FAM83B: variants seen among roughly 807,000 people sequenced by gnomAD.
The protein encoded by FAM83B is protein FAM83B.
A neutral mutation model predicts 38.8 loss-of-function variants in FAM83B; 26 were observed. That is an observed-to-expected ratio of 0.67 (90% CI 0.49 to 0.93). The LOEUF (loss-of-function observed/expected upper bound fraction) is 0.93, where lower values mean the gene tolerates loss of function less well. FAM83B is among the 40% of genes least tolerant of loss of function. The probability of loss-of-function intolerance (pLI) is 0.00; values close to 1 mark genes in which losing one functional copy is unlikely to be tolerated. For missense variants in FAM83B, 1,237 were observed against 1,197.3 expected, an observed-to-expected ratio of 1.03 and a Z score of -0.49; for synonymous variants, 419 against 423.1, an observed-to-expected ratio of 0.99 and a Z score of 0.12.
At chr6:54,854,115 T>A (rs1191144046) in intron 1 of FAM83B, among the ~76,000 whole-genome samples, 5 of 152,206 alleles carry the variant, frequency 3.3e-5, no homozygotes, top group Non-Finnish European at 7.3e-5. Flanking sequence ...TTTTTCAGTG[T>A]CATGATAACA....
chr6:54,940,228 A>G lies in FAM83B; in HGVS notation c.1257A>G (p.Pro419=), dbSNP rs754623876. The change falls in exon 5 of 5, where the codon CCA becomes CCG. Residue 419 remains proline (P), a synonymous_variant. Coordinates refer to ENST00000306858, the MANE Select transcript of FAM83B (RefSeq NM_001010872.3). ...ATCCACCTGGTAATTGGAAAAAGCCATCTGATAGTCTCAGTGTGGCGTCCT... is the reference window on the plus strand; with the variant it reads ...ATCCACCTGGTAATTGGAAAAAGCCGTCTGATAGTCTCAGTGTGGCGTCCT... The part of the protein sequence containing the change: ...TNNPPGNWKK[P]SDSLSVASSS... 1.2e-6 allele frequency: 2 copies of G among 1,614,088 alleles called. No individual in the cohort carries two copies. The highest frequency in any genetic ancestry group is 3.3e-5 in the Admixed American group (2 of 59,976).
At position 54,943,583 on chromosome 6, in the gene FAM83B, A is replaced by G. The variant is rs1435307561; in HGVS notation, c.*1576A>G. The G allele has an allele frequency of 6.6e-6, 1 of 152,218 alleles. No homozygotes were observed. The highest frequency in any genetic ancestry group is 2.4e-5 in the African/African-American group (1 of 41,466). The allele number at this position is 152,218 out of a possible 1,614,324, so 9.4% of individuals were successfully genotyped here. A position where few individuals can be genotyped will look rare whatever the true frequency, so the allele number is the denominator to read the frequency against. ...ATTTAAATAATGGTATAAAATATCT[A>G]TATCATTAAAATAATTTTCCATAGT... On this transcript the variant is annotated 3_prime_UTR_variant, in exon 5 of 5. Coordinates refer to ENST00000306858, the MANE Select transcript of FAM83B (RefSeq NM_001010872.3).
intron 2 of FAM83B, among the ~76,000 whole-genome samples, chr6:54,873,585 G>A (rs1250915239): frequency 1.3e-5 from 2 of 151,746 alleles, no homozygotes; most frequent in African/African-American, 4.8e-5. Flanking sequence ...TTTTTCAGAG[G>A]GTAATTTATC....
intron 2 of FAM83B, among the ~76,000 whole-genome samples, chr6:54,893,720 G>GAT (rs1328400374): frequency 6.6e-6 from 1 of 152,122 alleles, no homozygotes; most frequent in Non-Finnish European, 1.5e-5. Context: ...GTTAAGCATA[G>GAT]ATATATATAG....
Position 54,921,797 on chromosome 6 carries a change from T to C in FAM83B, c.445-4574T>C, listed in dbSNP as rs78102148. On this transcript the variant is annotated intron_variant, in intron 2 of 4. Coordinates refer to ENST00000306858, the MANE Select transcript of FAM83B (RefSeq NM_001010872.3). ...GCCATGTGTGCAACACAGTGTAATT[T>C]TGATAACTAACCAAGCATGTAATAA... is the stretch of plus-strand genomic sequence containing the variant. 5.9e-3 allele frequency among the ~76,000 whole-genome samples: 899 copies of C among 152,182 alleles called. 11 individuals carry two copies. The highest frequency in any genetic ancestry group is 0.019 in the African/African-American group (776 of 41,568).
chr6:54,932,232 G>A (rs546756699), intron 4 of FAM83B, among the ~76,000 whole-genome samples: 3 of 152,074 alleles, frequency 2.0e-5, no homozygotes, highest in East Asian at 1.9e-4. Context: ...GGCTGGTCTC[G>A]AACTCCTGAC....
At chr6:54,851,687 G>A (rs1317318927) in intron 1 of FAM83B, among the ~76,000 whole-genome samples, 5 of 124,138 alleles carry the variant, frequency 4.0e-5, no homozygotes, top group Admixed American at 9.3e-5. Context: ...TCGCTCTGTC[G>A]CCCAGGCTGG....
At chr6:54,865,403 A>G (rs1441025060) in intron 1 of FAM83B, among the ~76,000 whole-genome samples, 1 of 152,176 alleles carries the variant, frequency 6.6e-6, no homozygotes, top group African/African-American at 2.4e-5. Flanking sequence ...GATTAGGATC[A>G]GCCATGGTCT....
chr6:54,913,911 A>AG (rs1044627989), intron 2 of FAM83B, among the ~76,000 whole-genome samples: 4 of 151,704 alleles, frequency 2.6e-5, no homozygotes, highest in African/African-American at 9.7e-5. Context: ...TTTAAAAAAA[A>AG]GCTTTTGAAA....
chr6:54,903,163 TTC>T (rs1397918453), intron 2 of FAM83B, among the ~76,000 whole-genome samples: 1 of 152,246 alleles, frequency 6.6e-6, no homozygotes, highest in Admixed American at 6.5e-5. Context: ...TATCATTGTT[TTC>T]CATTATATAC....
intron 2 of FAM83B, among the ~76,000 whole-genome samples, chr6:54,915,348 T>C (rs1383448085): frequency 6.6e-6 from 1 of 152,228 alleles, no homozygotes; most frequent in Non-Finnish European, 1.5e-5. Flanking sequence ...GATTTCTGTC[T>C]ATCCTTTCTC....
chr6:54,929,057 T>A (rs1351276546), intron 4 of FAM83B, among the ~76,000 whole-genome samples: 1 of 152,150 alleles, frequency 6.6e-6, no homozygotes, highest in East Asian at 1.9e-4. Flanking sequence ...TTATAAAAAA[T>A]TTATCACAAC....
At chr6:54,929,490 T>A (rs1345627080) in intron 4 of FAM83B, among the ~76,000 whole-genome samples, 1 of 151,744 alleles carries the variant, frequency 6.6e-6, no homozygotes, top group Non-Finnish European at 1.5e-5. Context: ...ACATGAGGAG[T>A]TTTTTCATAA....
intron 1 of FAM83B, among the ~76,000 whole-genome samples, chr6:54,852,462 T>C (rs1322453813): frequency 1.3e-5 from 2 of 152,214 alleles, no homozygotes; most frequent in African/African-American, 4.8e-5. Flanking sequence ...TCTATAAATG[T>C]TGTGTGTGTT....
chr6:54,905,138 TGG>T (rs1332133155), intron 2 of FAM83B, among the ~76,000 whole-genome samples: 1 of 151,992 alleles, frequency 6.6e-6, no homozygotes, highest in African/African-American at 2.4e-5. Flanking sequence ...GAAAAGAACC[TGG>T]GGTCAGCAGG....
intron 1 of FAM83B, among the ~76,000 whole-genome samples, chr6:54,859,189 G>A (rs7773517): frequency 0.035 from 5,341 of 152,002 alleles, 316 homozygotes; most frequent in African/African-American, 0.12. Flanking sequence ...AGCCTCCTGA[G>A]TAGCTGGGAT....
rs369274861 is a variant in FAM83B at position 54,906,795 on chromosome 6, G to C, written c.445-19576G>C. Among the ~76,000 whole-genome samples, 1,255 of 152,224 alleles carry C rather than the reference G, an allele frequency of 8.2e-3. 10 individuals carry two copies. Among genetic ancestry groups the C allele is most frequent in the South Asian group, 0.023 (110 of 4,820 alleles). On this transcript the variant is annotated intron_variant, in intron 2 of 4. Transcript: ENST00000306858. ...CAGTTAATAGATTATTTTTAAAAAT[G>C]GTGATTTGATAGAGGATGTTGCTAA... is the stretch of plus-strand genomic sequence containing the variant.
chr6:54,871,875 A>G (rs1413557112), intron 2 of FAM83B, among the ~76,000 whole-genome samples: 1 of 152,028 alleles, frequency 6.6e-6, no homozygotes, highest in Non-Finnish European at 1.5e-5. Context: ...GGAAGCACAC[A>G]CGCATGACAT....
chr6:54,880,222 A>G (rs192332002), intron 2 of FAM83B, among the ~76,000 whole-genome samples: 1 of 152,338 alleles, frequency 6.6e-6, no homozygotes, highest in East Asian at 1.9e-4. Flanking sequence ...TAGGAAATAT[A>G]TAGGTAAAAT....
Sources: gnomAD v4.1 joint callset for allele counts (sites outside exome capture counted in the v4.1 genomes callset) on GRCh38, gnomAD v4.1.1 for gene constraint, MANE v1.5 for transcripts, NCBI Gene and HGNC (gene_info 2026-07-23, HGNC 2026-07-21) for gene names.